ATP13A1: variants seen among roughly 807,000 people sequenced by gnomAD.
ATP13A1 encodes the protein endoplasmic reticulum transmembrane helix translocase.
In ATP13A1, 55 loss-of-function variants were observed where a neutral mutation model predicts 134.8. The observed-to-expected ratio is 0.41, with a 90% CI of 0.33 to 0.51. ATP13A1 has a LOEUF of 0.51. Ranked by LOEUF, ATP13A1 falls within the 20% of genes least tolerant of loss-of-function variation. ATP13A1 has a pLI of 0.29. For missense variants in ATP13A1, 1,389 were observed against 1,652.8 expected (o/e 0.84, Z 2.77); for synonymous variants, 775 against 725.1 (o/e 1.07, Z -1.10).
intron 12 of ATP13A1, 51 bp from the exon 13 acceptor site, chr19:19,654,751 G>A: frequency 6.4e-7 from 1 of 1,558,792 alleles, no homozygotes; most frequent in Non-Finnish European, 8.7e-7. Flanking sequence ...GTAGGGCGAA[G>A]CTGCATCCCC....
rs376928945 is a variant in ATP13A1, at chr19:19,647,466, C to T, written c.2856G>A (p.Gly952=). ...EDESTPIVKL[G]DASIAAPFTS... ...TGAAGGGTGCTGCGATGCTGGCATC[C>T]CCCAGTTTCACAATGGGCGTACTCT... Residue 952 remains glycine, a synonymous_variant, in exon 21 of 26, where the codon GGG becomes GGA. Transcript: ENST00000357324. This position sits in a 1 kb window ranked among gnomAD's most constrained non-coding sequence, Gnocchi z 4.8. 3 of 1,613,400 alleles carry T rather than the reference C, an allele frequency of 1.9e-6. No individual in the cohort carries two copies. In the African/African-American group the frequency reaches 4.0e-5, roughly 22 times the overall value.
intron 13 of ATP13A1, 29 bp from the exon 14 acceptor site, chr19:19,654,173 G>A (rs759270770): frequency 7.1e-6 from 11 of 1,559,268 alleles, no homozygotes; most frequent in African/African-American, 2.7e-5. Context: ...GAGTCCTGAG[G>A]GGCTTTGCTC....
intron 17 of ATP13A1, chr19:19,650,520 C>T: frequency 1.3e-5 from 2 of 157,116 alleles, no homozygotes; most frequent in Non-Finnish European, 2.8e-5. Context: ...TGGACCATCT[C>T]AAGCTGAAGG....
Position 19,657,417 on chromosome 19 carries a change from G to C in ATP13A1, c.678-9C>G. 6.4e-7 allele frequency: 1 copy of C among 1,561,686 alleles called. No individual in the cohort carries two copies. The highest frequency in any genetic ancestry group is 8.7e-7 in the Non-Finnish European group (1 of 1,152,596). On this transcript the variant is annotated splice_polypyrimidine_tract_variant and intron_variant, in intron 3 of 25. Transcript: ENST00000357324. Reference sequence around the variant, plus strand: ...GCACCACCATCTCGGCCCTGCAAGAGACCAGGCCCCATCCTGTTCCCAGGG... The same window carrying C: ...GCACCACCATCTCGGCCCTGCAAGACACCAGGCCCCATCCTGTTCCCAGGG...
chr19:19,653,521 G>A lies in ATP13A1; in HGVS notation c.2100+263C>T, dbSNP rs1018247644. 1.5e-5 allele frequency: 8 copies of A among 527,826 alleles called. No homozygotes were observed. In the African/African-American group the frequency reaches 1.5e-4, roughly 10 times the overall value. The allele number at this position is 527,826 out of a possible 1,614,324, so 32.7% of individuals were successfully genotyped here. On this transcript the variant is annotated intron_variant, in intron 15 of 25. Transcript: ENST00000357324. The surrounding 1 kb of genome is among the most constrained non-coding windows in gnomAD (Gnocchi z 4.2). ...GCCACCTAGCCCTGCCCAAGACCAGGGCAAAAGAGTAGAGCTAGGGACACA... is the reference window on the plus strand; with the variant it reads ...GCCACCTAGCCCTGCCCAAGACCAGAGCAAAAGAGTAGAGCTAGGGACACA...
chr19:19,648,379 C>G (rs1198071725), intron 19 of ATP13A1, among the ~76,000 whole-genome samples: 1 of 151,446 alleles, frequency 6.6e-6, no homozygotes, highest in Non-Finnish European at 1.5e-5. Context: ...GAGCATGATT[C>G]TAGGAGGCAA....
chr19:19,645,477 G>A lies in ATP13A1; in HGVS notation c.3560C>T (p.Ala1187Val). 2 of 1,607,984 alleles carry A rather than the reference G, an allele frequency of 1.2e-6. No individual in the cohort carries two copies. Among genetic ancestry groups the A allele is most frequent in the East Asian group, 2.2e-5 (1 of 44,600 alleles). The stretch of plus-strand genomic sequence containing the variant: ...CAGGAAGAACTGCAGGACGCGGTCG[G>A]CCAGGAGCGCCAGGCAGAAGTCCAG... ...LLLDFCLALLADRVLQFFLGT... is the reference protein window; with the variant it reads ...LLLDFCLALLVDRVLQFFLGT... Residue 1187 changes from alanine to valine, a missense_variant, in exon 26 of 26, where the codon GCC becomes GTC. By Grantham distance (64) the Ala-to-Val change is moderately conservative. Around this residue, in one of 4 missense-constraint regions of ATP13A1, gnomAD observed 228 missense variants for 321.0 expected, o/e 0.71. Coordinates refer to ENST00000357324, the MANE Select transcript of ATP13A1 (RefSeq NM_020410.3). The surrounding 1 kb of genome is among the most constrained non-coding windows in gnomAD (Gnocchi z 4.1).
At chr19:19,649,511 T>G (rs1599428781) in intron 19 of ATP13A1, 56 bp downstream of exon 19, 1 of 1,552,552 alleles carries the variant, frequency 6.4e-7, no homozygotes, top group East Asian at 2.3e-5. Flanking sequence ...TCTAGCTCAG[T>G]GACATGTCCT....
At chr19:19,649,446 C>A (rs1260539051) in intron 19 of ATP13A1, 121 bp downstream of exon 19, 3 of 1,051,926 alleles carry the variant, frequency 2.9e-6, no homozygotes, top group African/African-American at 1.6e-5. Flanking sequence ...CACCCCCTCC[C>A]ATCCTCACAG....
Position 19,656,923 on chromosome 19 carries a change from G to A in ATP13A1, c.907-7C>T, listed in dbSNP as rs772853766. ...ACTTGCGGCTTCGGTAGACCTGGGC[G>A]GGGCATGGGTGTCAGCACAGAAGCC... On this transcript the variant is annotated splice_polypyrimidine_tract_variant and splice_region_variant and intron_variant, in intron 5 of 25. Transcript: ENST00000357324. This position sits in a 1 kb window ranked among gnomAD's most constrained non-coding sequence, Gnocchi z 4.6. 1.7e-5 allele frequency: 28 copies of A among 1,609,200 alleles called. No homozygotes were observed. The highest frequency in any genetic ancestry group is 3.4e-5 in the Admixed American group (2 of 59,288).
intron 13 of ATP13A1, 113 bp from the exon 14 acceptor site, chr19:19,654,257 C>A (rs1439176466): frequency 1.1e-5 from 13 of 1,188,146 alleles, no homozygotes; most frequent in African/African-American, 1.5e-5. Flanking sequence ...AGGGCCTGAT[C>A]GGGGCTCTGG....
chr19:19,645,804 G>C lies in ATP13A1; in HGVS notation c.3361-14C>G. On this transcript the variant is annotated splice_polypyrimidine_tract_variant and intron_variant, in intron 24 of 25. Transcript: ENST00000357324. The surrounding 1 kb of genome is among the most constrained non-coding windows in gnomAD (Gnocchi z 4.1). ...GAAGGGCGGGCCCTGTGGGGATGAGGGACAGATGGCTTCATGGGGTGGGGC... is the reference window on the plus strand; with the variant it reads ...GAAGGGCGGGCCCTGTGGGGATGAGCGACAGATGGCTTCATGGGGTGGGGC... 1.3e-6 allele frequency: 2 copies of C among 1,576,588 alleles called. No homozygotes were observed. Among genetic ancestry groups the C allele is most frequent in the South Asian group, 2.2e-5 (2 of 90,228 alleles).
In ATP13A1 at chr19:19,654,525, G is replaced by C. The variant is rs1217329406; in HGVS notation, c.1813+18C>G. On this transcript the variant is annotated intron_variant, in intron 13 of 25. Coordinates refer to ENST00000357324, the MANE Select transcript of ATP13A1 (RefSeq NM_020410.3). ...CCAGTGGCTCCCCCTTGCTGGGCCT[G>C]AGGCCCCAGCCCCTCACCTTTGGTC... 6.3e-7 allele frequency: 1 copy of C among 1,587,478 alleles called. No homozygotes were observed. The highest frequency in any genetic ancestry group is 1.7e-5 in the Admixed American group (1 of 57,584).
At chr19:19,648,592 T>C (rs2144899360) in intron 19 of ATP13A1, among the ~76,000 whole-genome samples, 1 of 151,628 alleles carries the variant, frequency 6.6e-6, no homozygotes, top group Middle Eastern at 3.4e-3. Context: ...GCGCATCATC[T>C]GAAGTCAGGA....
At position 19,655,758 on chromosome 19, in the gene ATP13A1, A is replaced by T; in HGVS notation, c.1270-104T>A. The T allele has an allele frequency of 2.0e-6, 3 of 1,535,374 alleles. No individual in the cohort carries two copies. On this transcript the variant is annotated intron_variant, in intron 9 of 25. Transcript: ENST00000357324. The surrounding 1 kb of genome is among the most constrained non-coding windows in gnomAD (Gnocchi z 5.7). ...TGGGGTGGCCTCTGCACCCTGGCCC[A>T]GGTCCAGGGCCGTGCTGCCAGAGTC...
rs1234330794 is a variant in ATP13A1, at chr19:19,648,839, C to T, written c.2632+728G>A. On this transcript the variant is annotated intron_variant, in intron 19 of 25. Coordinates refer to ENST00000357324, the MANE Select transcript of ATP13A1 (RefSeq NM_020410.3). ...AAAAAAAAAAAAAAAAGGCAGGGTT[C>T]GGTGGGATGCAGTGGTTCACACCTG... Among the ~76,000 whole-genome samples the T allele has an allele frequency of 5.7e-5, 7 of 122,848 alleles. 1 individual carries two copies. Among genetic ancestry groups the T allele is most frequent in the East Asian group, 4.7e-4 (2 of 4,232 alleles). The allele number at this position is 122,848 out of a possible 152,430, so 80.6% of individuals were successfully genotyped here.
Position 19,656,550 on chromosome 19 carries a change from A to G in ATP13A1, c.1083+110T>C. On this transcript the variant is annotated intron_variant, in intron 7 of 25. Coordinates refer to ENST00000357324, the MANE Select transcript of ATP13A1 (RefSeq NM_020410.3). The surrounding 1 kb of genome is among the most constrained non-coding windows in gnomAD (Gnocchi z 4.6). ...GTCCACAGAGCTCATCTGTGCCCACACTGCCTCCTCCGCCTGTGCCTGAGG... is the reference window on the plus strand; with the variant it reads ...GTCCACAGAGCTCATCTGTGCCCACGCTGCCTCCTCCGCCTGTGCCTGAGG... 8.4e-7 allele frequency: 1 copy of G among 1,197,010 alleles called. No homozygotes were observed. The highest frequency in any genetic ancestry group is 2.1e-5 in the Admixed American group (1 of 47,978). 74.1% of individuals were successfully genotyped at this position (1,197,010 alleles called of 1,614,324 possible).
In ATP13A1 at chr19:19,647,690, G is replaced by C; in HGVS notation, c.2702C>G (p.Thr901Ser). 1.2e-5 allele frequency: 20 copies of C among 1,612,236 alleles called. No homozygotes were observed. Among genetic ancestry groups the C allele is most frequent in the Non-Finnish European group, 1.7e-5 (20 of 1,179,766 alleles). The change falls in exon 20 of 26, where the codon ACC becomes AGC. Residue 901 changes from threonine to serine, a missense_variant. This residue lies in a region of ATP13A1 where 121 missense variants were observed against 104.9 expected (regional missense o/e 1.15). Transcript: ENST00000357324. The surrounding 1 kb of genome is among the most constrained non-coding windows in gnomAD (Gnocchi z 4.8). ...ERRRRPRDSP[T>S]LSNSGIRATS... ...GGCTCTGATGCCACTGTTGCTCAGG[G>C]TTGGGCTGTCCCGGGGCCGCCGTCG...
In ATP13A1 at chr19:19,655,491, G is replaced by A. The variant is rs772519969; in HGVS notation, c.1396+37C>T. 7 of 1,613,898 alleles carry A rather than the reference G, an allele frequency of 4.3e-6. No individual in the cohort carries two copies. The highest frequency in any genetic ancestry group is 1.3e-5 in the African/African-American group (1 of 74,938). ...GGCCTGCCAACCTGGAGCCTCGGAG[G>A]GTGGGCGCAGGGGACCACAGAGGCC... is the stretch of plus-strand genomic sequence containing the variant. On this transcript the variant is annotated intron_variant, in intron 10 of 25. Coordinates refer to ENST00000357324, the MANE Select transcript of ATP13A1 (RefSeq NM_020410.3). The surrounding 1 kb of genome is among the most constrained non-coding windows in gnomAD (Gnocchi z 5.7).
Sources: gnomAD v4.1 joint callset for allele counts (sites outside exome capture counted in the v4.1 genomes callset) on GRCh38, gnomAD v4.1.1 for gene constraint, gnomAD v4.1.1 regional missense constraint, Gnocchi (gnomAD v3.1) non-coding constraint, MANE v1.5 for transcripts, NCBI Gene and HGNC (gene_info 2026-07-23, HGNC 2026-07-21) for gene names.